FOXP2: variants seen among roughly 807,000 people sequenced by gnomAD.
The protein encoded by FOXP2 is forkhead box P2, also known as forkhead box protein P2.
FOXP2 carries 12 observed loss-of-function variants against 115.8 expected under a neutral mutation model. That is an observed-to-expected ratio of 0.10 (90% CI 0.07 to 0.17). The LOEUF (loss-of-function observed/expected upper bound fraction) is 0.17. FOXP2 is among the 10% of genes least tolerant of loss of function. The probability of loss-of-function intolerance (pLI) is 1.00; values close to 1 mark genes in which losing one functional copy is unlikely to be tolerated. For synonymous variants in FOXP2, 328 were observed against 297.7 expected (o/e 1.10, Z -1.05); for missense variants, 629 against 843.5 (o/e 0.75, Z 3.15).
chr7:114,436,236 A>G (rs1046014516), intron 2 of FOXP2, among the ~76,000 whole-genome samples: 2 of 151,762 alleles, frequency 1.3e-5, no homozygotes, highest in African/African-American at 4.8e-5. Flanking sequence ...CACCCCCTCT[A>G]CTGCTATCAC....
chr7:114,211,852 C>A (rs1794361119), intron 1 of FOXP2, among the ~76,000 whole-genome samples: 1 of 152,108 alleles, frequency 6.6e-6, no homozygotes, highest in South Asian at 2.1e-4. Flanking sequence ...GAGGGCAGAT[C>A]ACCTGAGGTC....
At chr7:114,183,733 A>T (rs1793517426) in intron 1 of FOXP2, among the ~76,000 whole-genome samples, 1 of 152,188 alleles carries the variant, frequency 6.6e-6, no homozygotes, top group African/African-American at 2.4e-5. Context: ...GTTTTGGCAA[A>T]GTATGTCAAC....
intron 1 of FOXP2, among the ~76,000 whole-genome samples, chr7:114,112,054 A>ACT: frequency 6.6e-6 from 1 of 152,092 alleles, no homozygotes. Context: ...GCAGTACTAA[A>ACT]ACCACTGCCT....
intron 3 of FOXP2, among the ~76,000 whole-genome samples, chr7:114,625,053 G>A (rs1021784319): frequency 4.0e-5 from 6 of 151,366 alleles, no homozygotes; most frequent in Admixed American, 2.6e-4. Context: ...GCAGCATGTC[G>A]GGTTTGTGCT....
chr7:114,325,687 G>A (rs73432259), intron 2 of FOXP2, among the ~76,000 whole-genome samples: 195 of 152,060 alleles, frequency 1.3e-3, no homozygotes, highest in African/African-American at 4.3e-3. Flanking sequence ...GAAATATATG[G>A]AGGAAAATAA....
intron 1 of FOXP2, among the ~76,000 whole-genome samples, chr7:114,104,916 T>C (rs1229381661): frequency 2.6e-5 from 4 of 152,030 alleles, no homozygotes; most frequent in Non-Finnish European, 5.9e-5. Flanking sequence ...TGTGAAAAAT[T>C]AACTGTGGTA....
intron 1 of FOXP2, among the ~76,000 whole-genome samples, chr7:114,202,204 G>A (rs1286706317): frequency 6.6e-6 from 1 of 152,162 alleles, no homozygotes; most frequent in Non-Finnish European, 1.5e-5. Flanking sequence ...ATTTGGTTGA[G>A]GCTGCAAATG....
intron 3 of FOXP2, among the ~76,000 whole-genome samples, chr7:114,624,502 C>T (rs1313687261): frequency 6.6e-6 from 1 of 151,858 alleles, no homozygotes; most frequent in Non-Finnish European, 1.5e-5. Flanking sequence ...AAGAACCTTT[C>T]CAATCTCCCA....
chr7:114,446,746 T>G (rs568915453), intron 2 of FOXP2, among the ~76,000 whole-genome samples: 3 of 148,736 alleles, frequency 2.0e-5, no homozygotes, highest in Admixed American at 6.7e-5. Flanking sequence ...TTTCTTTCTT[T>G]CTTTTTTTTT....
At chr7:114,129,192 C>T (rs1791805627) in intron 1 of FOXP2, among the ~76,000 whole-genome samples, 1 of 152,180 alleles carries the variant, frequency 6.6e-6, no homozygotes, top group African/African-American at 2.4e-5. Flanking sequence ...TTAATTGAGC[C>T]TTACACAAAT....
chr7:114,422,153 A>G (rs1196809944), intron 1 of FOXP2, among the ~76,000 whole-genome samples: 1 of 151,786 alleles, frequency 6.6e-6, no homozygotes, highest in African/African-American at 2.4e-5. Context: ...GTCATATTCA[A>G]AACTATTTGG....
At chr7:114,632,361 T>C (rs967380743) in intron 6 of FOXP2, among the ~76,000 whole-genome samples, 3 of 152,210 alleles carry the variant, frequency 2.0e-5, no homozygotes, top group Non-Finnish European at 2.9e-5. Flanking sequence ...GTGTGTCATA[T>C]TCATAACCCT....
At chr7:114,519,442 A>G (rs1584842321) in intron 2 of FOXP2, among the ~76,000 whole-genome samples, 2 of 152,156 alleles carry the variant, frequency 1.3e-5, no homozygotes, top group African/African-American at 4.8e-5. Context: ...GGATTCTGGC[A>G]GTAAGCATCC....
intron 3 of FOXP2, among the ~76,000 whole-genome samples, chr7:114,624,458 T>C (rs1180048261): frequency 1.3e-5 from 2 of 151,840 alleles, no homozygotes; most frequent in Non-Finnish European, 3.0e-5. Context: ...CCAATTCACA[T>C]TTAGTGAAGA....
At chr7:114,267,394 C>T (rs182083466) in intron 1 of FOXP2, among the ~76,000 whole-genome samples, 23 of 152,082 alleles carry the variant, frequency 1.5e-4, no homozygotes, top group Admixed American at 1.4e-3. Flanking sequence ...TTTAGATATT[C>T]GCTCTTACAT....
At chr7:114,086,581 C>G (rs1799424029), upstream of FOXP2, 1 of 410,934 alleles carries the variant, frequency 2.4e-6, no homozygotes. Context: ...TGCCACCTCC[C>G]GGGACGCTGC....
At chr7:114,515,015 A>G (rs925820054) in intron 2 of FOXP2, among the ~76,000 whole-genome samples, 14 of 151,468 alleles carry the variant, frequency 9.2e-5, no homozygotes, top group Non-Finnish European at 8.8e-5. Flanking sequence ...ATGATTTCCA[A>G]TTTCATCCAT....
At chr7:114,584,697 C>G (rs1440720504) in intron 3 of FOXP2, among the ~76,000 whole-genome samples, 2 of 152,186 alleles carry the variant, frequency 1.3e-5, no homozygotes, top group African/African-American at 4.8e-5. Flanking sequence ...ACCACCATGG[C>G]TTTGCCCACT....
At chr7:114,357,861 C>T (rs116428267) in intron 2 of FOXP2, among the ~76,000 whole-genome samples, 1,813 of 152,220 alleles carry the variant, frequency 0.012, 23 homozygotes, top group African/African-American at 0.032. Flanking sequence ...TACTATCCTT[C>T]TTGCCTTCAA....
Sources: gnomAD v4.1 joint callset for allele counts (sites outside exome capture counted in the v4.1 genomes callset) on GRCh38, gnomAD v4.1.1 for gene constraint, MANE v1.5 for transcripts, NCBI Gene and HGNC (gene_info 2026-07-23, HGNC 2026-07-21) for gene names.